The following CA10 variants were observed in gnomAD, a reference collection of about 807,000 sequenced individuals.
The protein encoded by CA10 is carbonic anhydrase 10 (inactive).
Under a neutral mutation model 44.2 loss-of-function variants are expected in CA10, and 14 were observed. The ratio of observed to expected loss-of-function variants is 0.32; its 90% CI spans 0.21 to 0.50. The LOEUF is 0.50. Among genes scored for constraint, CA10 ranks in the 20% least tolerant of loss-of-function variants. CA10 has a pLI of 0.99. For missense variants in CA10, 350 were observed against 409.7 expected, an observed-to-expected ratio of 0.85 and a Z score of 1.26; for synonymous variants, 159 against 141.6, an observed-to-expected ratio of 1.12 and a Z score of -0.87.
intron 6 of CA10, among the ~76,000 whole-genome samples, chr17:51,641,004 C>T (rs768343169): frequency 6.6e-6 from 1 of 151,858 alleles, no homozygotes; most frequent in Non-Finnish European, 1.5e-5. Flanking sequence ...AGCTCAGAGG[C>T]CAGTGGGGGA....
chr17:52,015,372 A>C (rs1217307907), intron 2 of CA10, among the ~76,000 whole-genome samples: 1 of 152,148 alleles, frequency 6.6e-6, no homozygotes, highest in Non-Finnish European at 1.5e-5. Flanking sequence ...CCTTAAAAGC[A>C]AATGGAATTT....
intron 3 of CA10, among the ~76,000 whole-genome samples, chr17:51,849,209 A>ATATACATATATG (rs1978659520): frequency 8.7e-5 from 4 of 45,842 alleles, no homozygotes; most frequent in South Asian, 6.8e-4. Flanking sequence ...ATATATGTAT[A>ATATACATATATG]TATATATATA....
At chr17:52,119,627 G>A (rs1452266057) in intron 1 of CA10, among the ~76,000 whole-genome samples, 1 of 152,140 alleles carries the variant, frequency 6.6e-6, no homozygotes, top group African/African-American at 2.4e-5. Context: ...CAGATTCCTT[G>A]TGGAACAGAG....
At chr17:51,870,563 T>A (rs983080282) in intron 3 of CA10, among the ~76,000 whole-genome samples, 1 of 152,220 alleles carries the variant, frequency 6.6e-6, no homozygotes, top group African/African-American at 2.4e-5. Context: ...CTTTCAGGCA[T>A]GGAATACAAA....
chr17:51,860,660 T>A (rs908728829), intron 3 of CA10, among the ~76,000 whole-genome samples: 12 of 152,222 alleles, frequency 7.9e-5, no homozygotes, highest in African/African-American at 2.7e-4. Flanking sequence ...AGACTTCTAA[T>A]GATATATTTA....
chr17:51,909,184 T>C (rs959826697), intron 3 of CA10, among the ~76,000 whole-genome samples: 1 of 152,134 alleles, frequency 6.6e-6, no homozygotes, highest in Non-Finnish European at 1.5e-5. Flanking sequence ...TGTACTGAGA[T>C]ATCTCTTTCC....
At chr17:52,055,509 A>G (rs1987203341) in intron 2 of CA10, among the ~76,000 whole-genome samples, 1 of 152,134 alleles carries the variant, frequency 6.6e-6, no homozygotes, top group Admixed American at 6.6e-5. Flanking sequence ...CCATCAGTTG[A>G]TATTAGAACA....
chr17:52,083,781 G>GCC (rs1988045127), intron 1 of CA10, among the ~76,000 whole-genome samples: 1 of 152,110 alleles, frequency 6.6e-6, no homozygotes, highest in African/African-American at 2.4e-5. Flanking sequence ...CCACGGTATG[G>GCC]ATATACCCCA....
chr17:51,686,085 C>CCGG (rs112547074), intron 4 of CA10, among the ~76,000 whole-genome samples: 6 of 149,116 alleles, frequency 4.0e-5, no homozygotes, highest in African/African-American at 1.5e-4. Flanking sequence ...AATCATGGGT[C>CCGG]GGGGGGGGCG....
intron 2 of CA10, among the ~76,000 whole-genome samples, chr17:51,971,789 G>A (rs1446665766): frequency 1.3e-5 from 2 of 151,950 alleles, no homozygotes; most frequent in Non-Finnish European, 2.9e-5. Flanking sequence ...AAATAAAGAT[G>A]CTAGAGATCT....
chr17:51,693,554 C>A (rs1353477461), intron 4 of CA10, among the ~76,000 whole-genome samples: 1 of 152,068 alleles, frequency 6.6e-6, no homozygotes, highest in Non-Finnish European at 1.5e-5. Context: ...CATGAGTACC[C>A]AATGTTTACC....
At chr17:51,762,651 T>C (rs1455627330) in intron 3 of CA10, 4 of 152,064 alleles carry the variant, frequency 2.6e-5, no homozygotes, top group African/African-American at 9.7e-5. Flanking sequence ...TTCACATAGT[T>C]CTATTATTTA....
intron 3 of CA10, among the ~76,000 whole-genome samples, chr17:51,814,781 G>A (rs1394425108): frequency 6.6e-6 from 1 of 151,970 alleles, no homozygotes; most frequent in Non-Finnish European, 1.5e-5. Flanking sequence ...AACCTTTTTT[G>A]TTCAGTTTCC....
At chr17:52,101,703 G>T (rs895845855) in intron 1 of CA10, among the ~76,000 whole-genome samples, 9 of 152,156 alleles carry the variant, frequency 5.9e-5, no homozygotes, top group Admixed American at 2.6e-4. Context: ...TGTCTTGGCT[G>T]CCATTGAACG....
chr17:51,699,108 G>T (rs1915499350), intron 4 of CA10, among the ~76,000 whole-genome samples: 2 of 152,244 alleles, frequency 1.3e-5, no homozygotes, highest in South Asian at 4.1e-4. Context: ...ATCACCTGAG[G>T]TCAGGTGTTT....
intron 3 of CA10, among the ~76,000 whole-genome samples, chr17:51,767,150 A>T (rs541171456): frequency 6.6e-6 from 1 of 152,320 alleles, no homozygotes; most frequent in East Asian, 1.9e-4. Flanking sequence ...TTGCATGAGG[A>T]GGATTTAATT....
chr17:51,799,837 G>T (rs551317613), intron 3 of CA10, among the ~76,000 whole-genome samples: 1 of 152,290 alleles, frequency 6.6e-6, no homozygotes, highest in East Asian at 1.9e-4. Context: ...CACTAGGGTG[G>T]TTGAAATAAA....
At chr17:51,972,931 A>G (rs1984334209) in intron 2 of CA10, among the ~76,000 whole-genome samples, 1 of 152,186 alleles carries the variant, frequency 6.6e-6, no homozygotes, top group Non-Finnish European at 1.5e-5. Context: ...TCACAAGGAC[A>G]GAATTTCACT....
intron 3 of CA10, 115 bp from the exon 4 acceptor site, chr17:51,747,933 A>G (rs765479658): frequency 2.6e-5 from 19 of 743,928 alleles, no homozygotes; most frequent in Non-Finnish European, 4.0e-5. Flanking sequence ...AAGATGGGCT[A>G]AATCCACATG....
Sources: gnomAD v4.1 joint callset for allele counts (sites outside exome capture counted in the v4.1 genomes callset) on GRCh38, gnomAD v4.1.1 for gene constraint, MANE v1.5 for transcripts, NCBI Gene and HGNC (gene_info 2026-07-23, HGNC 2026-07-21) for gene names.